MSRA: variants seen among roughly 807,000 people sequenced by gnomAD.
The protein encoded by MSRA is methionine sulfoxide reductase A.
MSRA carries 54 observed loss-of-function variants against 31.3 expected under a neutral mutation model. The observed-to-expected ratio is 1.73, with a 90% CI of 1.39 to 2.17. MSRA has a LOEUF of 2.17. Among genes scored for constraint, MSRA ranks in the 30% most tolerant of loss-of-function variants. The probability of loss-of-function intolerance (pLI) is 0.00; values close to 1 mark genes in which losing one functional copy is unlikely to be tolerated. For synonymous variants in MSRA, 169 were observed against 116.5 expected, an observed-to-expected ratio of 1.45 and a Z score of -2.90; for missense variants, 507 against 300.9, an observed-to-expected ratio of 1.69 and a Z score of -5.07.
intron 5 of MSRA, among the ~76,000 whole-genome samples, chr8:10,347,682 C>A (rs1421218839): frequency 6.6e-6 from 1 of 152,240 alleles, no homozygotes; most frequent in Non-Finnish European, 1.5e-5. Context: ...GGAAACCCTT[C>A]TGTGGCCTCG....
At chr8:10,189,778 G>A (rs943917551) in intron 1 of MSRA, among the ~76,000 whole-genome samples, 2 of 152,128 alleles carry the variant, frequency 1.3e-5, no homozygotes, top group Middle Eastern at 3.2e-3. Flanking sequence ...AAGGGGATCT[G>A]TCTCTAGTTT....
intron 1 of MSRA, among the ~76,000 whole-genome samples, chr8:10,145,175 C>T (rs541506324): frequency 6.6e-6 from 1 of 152,288 alleles, no homozygotes; most frequent in South Asian, 2.1e-4. Flanking sequence ...CAGGGACAGG[C>T]AGGGCCTATG....
chr8:10,129,754 A>G (rs1361397569), intron 1 of MSRA, among the ~76,000 whole-genome samples: 1 of 152,134 alleles, frequency 6.6e-6, no homozygotes, highest in Non-Finnish European at 1.5e-5. Flanking sequence ...AAAAATAAAG[A>G]CATTCTGTGT....
At chr8:10,059,000 G>A (rs969271072) in intron 1 of MSRA, 1 of 152,138 alleles carries the variant, frequency 6.6e-6, no homozygotes, top group African/African-American at 2.4e-5. Context: ...TACATTGTAG[G>A]TACAGCCAGT....
At chr8:10,215,012 AT>A (rs1311259311) in intron 2 of MSRA, among the ~76,000 whole-genome samples, 1 of 152,190 alleles carries the variant, frequency 6.6e-6, no homozygotes, top group Admixed American at 6.5e-5. Context: ...AAAAGAACAA[AT>A]TATGGAGTCA....
At chr8:10,167,317 C>T (rs1362149492) in intron 1 of MSRA, among the ~76,000 whole-genome samples, 1 of 152,280 alleles carries the variant, frequency 6.6e-6, no homozygotes, top group Admixed American at 6.5e-5. Flanking sequence ...TGCTGAAAAT[C>T]ACATGGAAAC....
intron 1 of MSRA, among the ~76,000 whole-genome samples, chr8:10,063,052 C>A (rs897073293): frequency 6.6e-5 from 10 of 152,190 alleles, no homozygotes; most frequent in Non-Finnish European, 1.5e-4. Context: ...CCTTCTGTTT[C>A]CAAATACGAG....
chr8:10,263,807 C>G (rs936839084), intron 3 of MSRA, among the ~76,000 whole-genome samples: 3 of 152,250 alleles, frequency 2.0e-5, no homozygotes, highest in South Asian at 4.1e-4. Flanking sequence ...AGTGTGATTT[C>G]GTTATTGTAT....
At chr8:10,082,587 T>C (rs1178147200) in intron 1 of MSRA, among the ~76,000 whole-genome samples, 2 of 152,214 alleles carry the variant, frequency 1.3e-5, no homozygotes, top group Admixed American at 6.5e-5. Flanking sequence ...CCAAGTTGTT[T>C]TCTCAAGCAA....
At chr8:10,103,653 T>C (rs998334168) in intron 1 of MSRA, among the ~76,000 whole-genome samples, 13 of 152,220 alleles carry the variant, frequency 8.5e-5, no homozygotes, top group South Asian at 2.1e-4. Context: ...AAAGATAATG[T>C]ACCTAATTCT....
intron 1 of MSRA, among the ~76,000 whole-genome samples, chr8:10,056,780 C>A (rs1802397254): frequency 1.3e-5 from 2 of 152,142 alleles, no homozygotes; most frequent in East Asian, 1.9e-4. Context: ...GAATTCACCT[C>A]CACTGCAACT....
At chr8:10,153,382 C>A (rs766725021) in intron 1 of MSRA, among the ~76,000 whole-genome samples, 1 of 152,158 alleles carries the variant, frequency 6.6e-6, no homozygotes, top group Admixed American at 6.5e-5. Flanking sequence ...CTCCCTCTCA[C>A]GTGCCTGCTG....
chr8:10,058,361 A>G (rs1043788062), intron 1 of MSRA, among the ~76,000 whole-genome samples: 2 of 152,238 alleles, frequency 1.3e-5, no homozygotes, highest in Non-Finnish European at 2.9e-5. Flanking sequence ...GATCATAAAA[A>G]CAGATAATTT....
chr8:10,127,839 G>A (rs950521610), intron 1 of MSRA, among the ~76,000 whole-genome samples: 6 of 152,106 alleles, frequency 3.9e-5, no homozygotes, highest in African/African-American at 1.4e-4. Flanking sequence ...TCTTGATGGT[G>A]TTTTGAAACT....
intron 5 of MSRA, among the ~76,000 whole-genome samples, chr8:10,373,279 A>C (rs868320370): frequency 6.6e-6 from 1 of 152,268 alleles, no homozygotes; most frequent in African/African-American, 2.4e-5. Flanking sequence ...TTTTCCAAAT[A>C]GTCAACCAAG....
intron 2 of MSRA, among the ~76,000 whole-genome samples, chr8:10,242,702 C>T (rs979680692): frequency 2.0e-5 from 3 of 151,996 alleles, no homozygotes; most frequent in Non-Finnish European, 4.4e-5. Context: ...TATAAATAAG[C>T]CTGTTTTCTT....
At chr8:10,277,327 C>G (rs1799374667) in intron 3 of MSRA, among the ~76,000 whole-genome samples, 1 of 152,184 alleles carries the variant, frequency 6.6e-6, no homozygotes, top group Non-Finnish European at 1.5e-5. Context: ...AAGAACACAG[C>G]TCTAGGAGTC....
intron 3 of MSRA, among the ~76,000 whole-genome samples, chr8:10,256,753 T>TA (rs1039446263): frequency 1.3e-5 from 2 of 152,172 alleles, no homozygotes; most frequent in African/African-American, 4.8e-5. Flanking sequence ...GGGGCAGAGA[T>TA]ACATGTATTT....
intron 5 of MSRA, among the ~76,000 whole-genome samples, chr8:10,420,878 A>G (rs1272783635): frequency 1.0e-5 from 1 of 96,558 alleles, no homozygotes; most frequent in Non-Finnish European, 2.0e-5. Flanking sequence ...TGTTGTGTGT[A>G]TTTTACCACA....
Sources: allele counts gnomAD v4.1 joint callset (sites outside exome capture counted in the v4.1 genomes callset), GRCh38; gene constraint gnomAD v4.1.1; transcripts MANE v1.5; gene names NCBI Gene and HGNC (gene_info 2026-07-23, HGNC 2026-07-21).